LIMCH1: variants seen among roughly 807,000 people sequenced by gnomAD.
The protein encoded by LIMCH1 is LIM and calponin homology domains 1, also known as LIM and calponin homology domains-containing protein 1.
In LIMCH1, 113 loss-of-function variants were observed where a neutral mutation model predicts 176.5. That is an observed-to-expected ratio of 0.64 (90% confidence interval 0.55 to 0.75). The LOEUF is 0.75. LIMCH1 is among the 30% of genes least tolerant of loss of function. The pLI, the probability that LIMCH1 is intolerant of heterozygous loss-of-function variation, is 0.00. For synonymous variants in LIMCH1, 619 were observed against 645.9 expected, an observed-to-expected ratio of 0.96 and a Z score of 0.63; for missense variants, 1,674 against 1,814.9, an observed-to-expected ratio of 0.92 and a Z score of 1.41.
chr4:41,460,913 C>A lies in LIMCH1; in HGVS notation c.97-33623C>A, dbSNP rs148963283. 6.2e-4 allele frequency among the ~76,000 whole-genome samples: 95 copies of A among 152,294 alleles called. 1 individual carries two copies. Among genetic ancestry groups the A allele is most frequent in the African/African-American group, 1.7e-3 (71 of 41,560 alleles). ...GACTGTGGCAGGTGCTGCACATTGG[C>A]CCATTGGAAATTGCAGTTGTTTTTA... On this transcript the variant is annotated intron_variant, in intron 1 of 26. Transcript: ENST00000313860.
Position 41,393,755 on chromosome 4 carries a change from A to G in LIMCH1, c.96+32819A>G, listed in dbSNP as rs2057507096. Reference sequence around the variant, plus strand: ...ACCTATAAAAATGTATCCCTCTTTTAATCATCTAGAATTGTATATATAAAT... The same window carrying G: ...ACCTATAAAAATGTATCCCTCTTTTGATCATCTAGAATTGTATATATAAAT... On this transcript the variant is annotated intron_variant, in intron 1 of 26. Transcript: ENST00000313860. Among the ~76,000 whole-genome samples, 3 of 152,218 alleles carry G rather than the reference A, an allele frequency of 2.0e-5. No individual in the cohort carries two copies. The South Asian group carries it at 6.2e-4, about 31-fold the overall frequency.
intron 1 of LIMCH1, among the ~76,000 whole-genome samples, chr4:41,398,337 C>T (rs2058034443): frequency 6.6e-6 from 1 of 151,948 alleles, no homozygotes; most frequent in African/African-American, 2.4e-5. Flanking sequence ...ATTGAGACAT[C>T]AATATTTGAG....
At chr4:41,540,505 G>A (rs531676754) in intron 1 of LIMCH1, among the ~76,000 whole-genome samples, 11 of 152,348 alleles carry the variant, frequency 7.2e-5, no homozygotes, top group Admixed American at 2.6e-4. Context: ...TTGGGAGGCT[G>A]AGGCAGGTGG....
intron 28 of LIMCH1, among the ~76,000 whole-genome samples, chr4:41,686,694 A>G (rs911583121): frequency 6.6e-6 from 1 of 152,174 alleles, no homozygotes; most frequent in Admixed American, 6.6e-5. Context: ...AATAGTCCCT[A>G]CCTCATAGGG....
rs766937501 is a variant in LIMCH1 at position 41,687,887 on chromosome 4, C to T, written c.4136C>T (p.Ser1379Phe). 13 of 1,613,530 alleles carry T rather than the reference C, an allele frequency of 8.1e-6. No homozygotes were observed. Among genetic ancestry groups the T allele is most frequent in the Non-Finnish European group, 1.1e-5 (13 of 1,179,678 alleles). The change falls in exon 29 of 32, where the codon TCT (serine) becomes TTT (phenylalanine). Residue 1379 changes from serine to phenylalanine, a missense_variant. By Grantham distance (155) the Ser-to-Phe change is radical. Transcript: ENST00000503057. ...HFQAGPFSPC[S>F]PTPPGQSPNR... ...CAGGCTGGGCCTTTCTCTCCCTGTTCTCCCACCCCTCCCGGTCAGTCACCA... is the reference window on the plus strand; with the variant it reads ...CAGGCTGGGCCTTTCTCTCCCTGTTTTCCCACCCCTCCCGGTCAGTCACCA...
At chr4:41,479,708 T>G (rs2068280086) in intron 1 of LIMCH1, among the ~76,000 whole-genome samples, 1 of 152,232 alleles carries the variant, frequency 6.6e-6, no homozygotes, top group Admixed American at 6.5e-5. Flanking sequence ...TTATGTCTCA[T>G]AAATCTCTTA....
chr4:41,632,946 C>T (rs774485498), intron 11 of LIMCH1, 31 bp from the exon 12 acceptor site: 1,456 of 1,531,366 alleles, frequency 9.5e-4, no homozygotes, highest in Non-Finnish European at 1.2e-3. Context: ...GAATTCTTTC[C>T]TAGGAGTGAA....
At chr4:41,476,943 ATTTTC>A (rs2067838031) in intron 1 of LIMCH1, among the ~76,000 whole-genome samples, 3 of 152,268 alleles carry the variant, frequency 2.0e-5, no homozygotes, top group Admixed American at 2.0e-4. Context: ...TTGGGGGTTT[ATTTTC>A]TTATTACACA....
intron 2 of LIMCH1, among the ~76,000 whole-genome samples, chr4:41,508,842 C>G (rs972953890): frequency 7.2e-5 from 11 of 152,158 alleles, no homozygotes; most frequent in Non-Finnish European, 1.0e-4. Context: ...GAAGGAAGGA[C>G]TGGAGACTTT....
intron 19 of LIMCH1, 96 bp downstream of exon 19, chr4:41,661,606 A>G: frequency 1.1e-6 from 1 of 873,780 alleles, no homozygotes; most frequent in Admixed American, 2.1e-5. Flanking sequence ...AGCCACAGGA[A>G]AGTAGTAATT....
At chr4:41,675,672 G>A (rs565283047) in intron 22 of LIMCH1, among the ~76,000 whole-genome samples, 16 of 140,602 alleles carry the variant, frequency 1.1e-4, no homozygotes. Flanking sequence ...CCCCCCACCT[G>A]TACCCTCCCA....
At chr4:41,680,860 C>T in intron 24 of LIMCH1, 95 bp from the exon 25 acceptor site, 1 of 647,202 alleles carries the variant, frequency 1.5e-6, no homozygotes, top group South Asian at 2.2e-5. Context: ...CGAACATATT[C>T]TGATTTTTTT....
intron 13 of LIMCH1, 33 bp downstream of exon 13, chr4:41,633,841 G>A: frequency 6.5e-7 from 1 of 1,527,472 alleles, no homozygotes; most frequent in South Asian, 1.2e-5. Flanking sequence ...TTGTGACTTT[G>A]TTTCTCCAGT....
At chr4:41,381,592 C>G (rs1294689959) in intron 1 of LIMCH1, among the ~76,000 whole-genome samples, 1 of 152,130 alleles carries the variant, frequency 6.6e-6, no homozygotes, top group African/African-American at 2.4e-5. Flanking sequence ...TTCGGGCAGG[C>G]CCTCTGACTT....
At chr4:41,678,711 TGA>T (rs941361023) in intron 23 of LIMCH1, among the ~76,000 whole-genome samples, 1 of 150,636 alleles carries the variant, frequency 6.6e-6, no homozygotes, top group Non-Finnish European at 1.5e-5. Context: ...GGGGAGGGTG[TGA>T]GAGAGAGAGA....
At chr4:41,494,157 G>A (rs1379794486) in intron 1 of LIMCH1, among the ~76,000 whole-genome samples, 2 of 151,932 alleles carry the variant, frequency 1.3e-5, no homozygotes, top group South Asian at 2.1e-4. Flanking sequence ...TAGAAAAAAA[G>A]GCTTCAAAGA....
chr4:41,400,258 A>G (rs2058281765), intron 1 of LIMCH1, among the ~76,000 whole-genome samples: 1 of 152,204 alleles, frequency 6.6e-6, no homozygotes, highest in Non-Finnish European at 1.5e-5. Context: ...GTCAGATTAT[A>G]GAGAAAAAAA....
chr4:41,670,347 T>A (rs191733128), intron 21 of LIMCH1, among the ~76,000 whole-genome samples: 2 of 152,338 alleles, frequency 1.3e-5, no homozygotes, highest in African/African-American at 2.4e-5. Context: ...CCATCTTTGC[T>A]GCCTTTTATA....
At chr4:41,435,129 C>A (rs764458330) in intron 1 of LIMCH1, among the ~76,000 whole-genome samples, 2 of 152,048 alleles carry the variant, frequency 1.3e-5, no homozygotes, top group African/African-American at 4.8e-5. Context: ...CAAAAGTCCT[C>A]ATAAGAGGGG....
Sources: allele counts gnomAD v4.1 joint callset (sites outside exome capture counted in the v4.1 genomes callset), GRCh38; gene constraint gnomAD v4.1.1; transcripts MANE v1.5; gene names NCBI Gene and HGNC (gene_info 2026-07-23, HGNC 2026-07-21).